Variants in ZFR observed in about 807,000 individuals in gnomAD.
The protein encoded by ZFR is zinc finger RNA binding protein.
Under a neutral mutation model 130.7 loss-of-function variants are expected in ZFR, and 19 were observed. The ratio of observed to expected loss-of-function variants is 0.15; its 90% CI spans 0.10 to 0.21. The LOEUF (loss-of-function observed/expected upper bound fraction) is 0.21, where lower values mean the gene tolerates loss of function less well. Among genes scored for constraint, ZFR ranks in the 10% least tolerant of loss-of-function variants. The probability of loss-of-function intolerance (pLI) is 1.00; values close to 1 mark genes in which losing one functional copy is unlikely to be tolerated. For missense variants in ZFR, 872 were observed against 1,321.5 expected, an observed-to-expected ratio of 0.66 and a Z score of 5.27; for synonymous variants, 466 against 456.9, an observed-to-expected ratio of 1.02 and a Z score of -0.25.
At chr5:32,432,358 G>C (rs1754244132) in intron 2 of ZFR, among the ~76,000 whole-genome samples, 1 of 152,158 alleles carries the variant, frequency 6.6e-6, no homozygotes, top group Non-Finnish European at 1.5e-5. Context: ...CACTAAATGT[G>C]AGGTGATGGC....
chr5:32,434,532 T>A (rs1754292587), intron 2 of ZFR, among the ~76,000 whole-genome samples: 1 of 152,240 alleles, frequency 6.6e-6, no homozygotes, highest in South Asian at 2.1e-4. Context: ...AAAGAAGATA[T>A]GATACTTGGG....
chr5:32,404,024 C>A lies in ZFR; in HGVS notation c.1106G>T (p.Ser369Ile). 1 of 1,614,006 alleles carries A rather than the reference C, an allele frequency of 6.2e-7. No homozygotes were observed. Among genetic ancestry groups the A allele is most frequent in the Non-Finnish European group, 8.5e-7 (1 of 1,179,938 alleles). Reference sequence around the variant, plus strand: ...CCCACGAGTAGAACTGTTGCTGCTGCTGGTATTTTGTGAGGCTTTCAATGC... The same window carrying A: ...CCCACGAGTAGAACTGTTGCTGCTGATGGTATTTTGTGAGGCTTTCAATGC... ...EAALKASQNT[S>I]SSNSSTRGTQ... Residue 369 changes from serine (S) to isoleucine (I), a missense_variant, in exon 7 of 20, where the codon AGC becomes ATC. Physicochemically the swap from Ser to Ile is moderately radical, Grantham distance 142 (BLOSUM62 -2). Transcript: ENST00000265069.
At chr5:32,388,701 TAA>T in intron 12 of ZFR, 27 bp from the exon 13 acceptor site, 3 of 1,555,504 alleles carry the variant, frequency 1.9e-6, no homozygotes, top group Admixed American at 2.0e-5. Flanking sequence ...TTGCTCAATT[TAA>T]AAAAAAGTTT....
At chr5:32,390,234 G>T in intron 12 of ZFR, 41 bp downstream of exon 12, 1 of 1,588,170 alleles carries the variant, frequency 6.3e-7, no homozygotes, top group Non-Finnish European at 8.6e-7. Context: ...TGCTGAACCA[G>T]TCAAACTTTC....
intron 5 of ZFR, among the ~76,000 whole-genome samples, chr5:32,413,024 A>G (rs775742353): frequency 6.6e-6 from 1 of 152,160 alleles, no homozygotes; most frequent in Non-Finnish European, 1.5e-5. Context: ...CCCTGTCTCT[A>G]CTAAAAATAC....
chr5:32,400,288 C>A, intron 8 of ZFR, 85 bp from the exon 9 acceptor site: 2 of 1,016,300 alleles, frequency 2.0e-6, no homozygotes, highest in Non-Finnish European at 1.3e-6. Flanking sequence ...AGATAAAGTT[C>A]TTTTCTGCTA....
intron 2 of ZFR, among the ~76,000 whole-genome samples, chr5:32,442,533 C>T (rs1342343945): frequency 1.3e-5 from 2 of 152,138 alleles, no homozygotes; most frequent in African/African-American, 2.4e-5. Flanking sequence ...TTGAAATGCC[C>T]CCAAGATTTT....
At chr5:32,400,540 T>A (rs1300731464) in intron 8 of ZFR, among the ~76,000 whole-genome samples, 1 of 152,206 alleles carries the variant, frequency 6.6e-6, no homozygotes, top group African/African-American at 2.4e-5. Flanking sequence ...TGAGTAGTAT[T>A]TGTTCCTTAA....
At chr5:32,439,679 A>G (rs1021197341) in intron 2 of ZFR, among the ~76,000 whole-genome samples, 5 of 151,876 alleles carry the variant, frequency 3.3e-5, no homozygotes, top group Admixed American at 6.6e-5. Flanking sequence ...AGTGGCTCAC[A>G]CCTGTAATCC....
chr5:32,397,288 C>T lies in ZFR; in HGVS notation c.1764G>A (p.Glu588=), dbSNP rs1195059183. 6.2e-7 allele frequency: 1 copy of T among 1,613,494 alleles called. No individual in the cohort carries two copies. The highest frequency in any genetic ancestry group is 2.2e-5 in the East Asian group (1 of 44,870). The change falls in exon 10 of 20, where the codon GAG becomes GAA. Residue 588 remains glutamate, a synonymous_variant. Coordinates refer to ENST00000265069, the MANE Select transcript of ZFR (RefSeq NM_016107.5). ...KVIRFHCKLC[E]CSFNDPNAKE... ...TAGCATTGGGATCATTAAAGCTGCA[C>T]TCGCATAATTTACAATGGAACCGAA...
chr5:32,442,780 G>A (rs756907533), intron 2 of ZFR, among the ~76,000 whole-genome samples: 68 of 152,090 alleles, frequency 4.5e-4, no homozygotes, highest in Non-Finnish European at 5.0e-4. Context: ...ATCTTAGGAT[G>A]CCATGGAAAA....
intron 2 of ZFR, among the ~76,000 whole-genome samples, chr5:32,442,884 T>C (rs946995412): frequency 6.6e-6 from 1 of 152,082 alleles, no homozygotes; most frequent in Admixed American, 6.5e-5. Flanking sequence ...AAAACCCAAC[T>C]ATATGATGTT....
chr5:32,402,003 G>A (rs746705537), intron 8 of ZFR, among the ~76,000 whole-genome samples: 27 of 152,166 alleles, frequency 1.8e-4, no homozygotes, highest in Non-Finnish European at 3.4e-4. Context: ...GGGTTAGAAT[G>A]AGACACATTG....
chr5:32,382,437 T>A (rs764708741), intron 15 of ZFR, among the ~76,000 whole-genome samples: 3 of 152,230 alleles, frequency 2.0e-5, no homozygotes, highest in Non-Finnish European at 4.4e-5. Flanking sequence ...TTGCTAAAGC[T>A]AGAATGCAAA....
chr5:32,402,126 C>T (rs1193723067), intron 8 of ZFR, among the ~76,000 whole-genome samples: 1 of 151,512 alleles, frequency 6.6e-6, no homozygotes, highest in Admixed American at 6.6e-5. Context: ...TCACTGCCCA[C>T]ATGGGAATGA....
chr5:32,425,170 A>T (rs1469346166), intron 2 of ZFR, among the ~76,000 whole-genome samples: 1 of 152,240 alleles, frequency 6.6e-6, no homozygotes. Flanking sequence ...AGTGATGTGG[A>T]GCTTAGCACC....
At chr5:32,389,545 T>C (rs1753116039) in intron 12 of ZFR, among the ~76,000 whole-genome samples, 2 of 152,156 alleles carry the variant, frequency 1.3e-5, no homozygotes, top group Non-Finnish European at 1.5e-5. Flanking sequence ...CTGACAGGTA[T>C]AGAGGCTCAT....
intron 5 of ZFR, among the ~76,000 whole-genome samples, chr5:32,411,599 G>C (rs1471672336): frequency 6.7e-6 from 1 of 149,262 alleles, no homozygotes; most frequent in Admixed American, 6.8e-5. Flanking sequence ...TGAGGTACAA[G>C]AATCGGTTGA....
At position 32,380,382 on chromosome 5, in the gene ZFR, A is replaced by G. The variant is rs1341910951; in HGVS notation, c.2642-210T>C. On this transcript the variant is annotated intron_variant, in intron 15 of 19. Transcript: ENST00000265069. ...TATTAATTTAGTAATATAATAAACA[A>G]TTTCTGGAAATATAAACCCTACCCA... 1.2e-5 allele frequency: 5 copies of G among 413,920 alleles called. No homozygotes were observed. In the South Asian group the frequency reaches 1.3e-4, roughly 10 times the overall value. 25.6% of individuals were successfully genotyped at this position (413,920 alleles called of 1,614,324 possible).
Sources: gnomAD v4.1 joint callset for allele counts (sites outside exome capture counted in the v4.1 genomes callset) on GRCh38, gnomAD v4.1.1 for gene constraint, MANE v1.5 for transcripts, NCBI Gene and HGNC (gene_info 2026-07-23, HGNC 2026-07-21) for gene names.